RXFP2: variants seen among roughly 807,000 people sequenced by gnomAD.
RXFP2 encodes the protein relaxin receptor 2.
RXFP2 carries 68 observed loss-of-function variants against 88.6 expected under a neutral mutation model. The ratio of observed to expected loss-of-function variants is 0.77; its 90% CI spans 0.63 to 0.94. The LOEUF is 0.94. Ranked by LOEUF, RXFP2 falls within the 40% of genes least tolerant of loss-of-function variation. The pLI, the probability that RXFP2 is intolerant of heterozygous loss-of-function variation, is 0.00. For synonymous variants in RXFP2, 329 were observed against 306.8 expected, an observed-to-expected ratio of 1.07 and a Z score of -0.76; for missense variants, 791 against 893.9, an observed-to-expected ratio of 0.88 and a Z score of 1.47.
chr13:31,756,014 G>T (rs900462484), intron 1 of RXFP2, among the ~76,000 whole-genome samples: 1 of 152,048 alleles, frequency 6.6e-6, no homozygotes, highest in East Asian at 1.9e-4. Context: ...CTGCTTTTCC[G>T]TGCTTGCGGG....
At chr13:31,751,445 T>C (rs143542198) in intron 1 of RXFP2, among the ~76,000 whole-genome samples, 32 of 152,240 alleles carry the variant, frequency 2.1e-4, no homozygotes, top group African/African-American at 6.0e-4. Flanking sequence ...TCTTTGTGCA[T>C]CACAAAAGAA....
At chr13:31,776,240 T>A (rs1384217799) in intron 7 of RXFP2, among the ~76,000 whole-genome samples, 1 of 140,852 alleles carries the variant, frequency 7.1e-6, no homozygotes, top group Non-Finnish European at 1.5e-5. Context: ...CTTTTTTCCT[T>A]CCCTCTTTCC....
intron 1 of RXFP2, among the ~76,000 whole-genome samples, chr13:31,742,303 G>A (rs180813558): frequency 2.0e-5 from 3 of 152,326 alleles, no homozygotes; most frequent in Admixed American, 2.0e-4. Flanking sequence ...CCCCCTAGTG[G>A]CCAGACTCAA....
chr13:31,776,097 T>TTTCTTTCCTTCCTTCTTTC (rs1566227779), intron 7 of RXFP2, among the ~76,000 whole-genome samples: 1 of 112,906 alleles, frequency 8.9e-6, no homozygotes, highest in African/African-American at 3.8e-5. Flanking sequence ...TCTTTCTTTC[T>TTTCTTTCCTTCCTTCTTTC]TTTCTTTTCT....
At chr13:31,792,654 T>C in intron 15 of RXFP2, 24 bp from the exon 16 acceptor site, 1 of 1,611,852 alleles carries the variant, frequency 6.2e-7, no homozygotes, top group Non-Finnish European at 8.5e-7. Flanking sequence ...ACTGATGACA[T>C]ACACTGTTTC....
intron 1 of RXFP2, among the ~76,000 whole-genome samples, chr13:31,744,572 A>C (rs982573819): frequency 6.6e-6 from 1 of 152,218 alleles, no homozygotes; most frequent in Non-Finnish European, 1.5e-5. Context: ...GTGCCATATT[A>C]TTCTCGAGTG....
intron 5 of RXFP2, among the ~76,000 whole-genome samples, chr13:31,770,234 C>A (rs1872688509): frequency 6.6e-6 from 1 of 152,174 alleles, no homozygotes; most frequent in Admixed American, 6.5e-5. Flanking sequence ...ATGATCTTCC[C>A]AAGACCAGCA....
intron 9 of RXFP2, among the ~76,000 whole-genome samples, chr13:31,780,066 T>A (rs1312288820): frequency 6.6e-6 from 1 of 152,196 alleles, no homozygotes; most frequent in East Asian, 1.9e-4. Flanking sequence ...GAGCTCAGCC[T>A]GCTCTCCCTC....
chr13:31,784,168 C>G (rs1428893863), intron 11 of RXFP2, among the ~76,000 whole-genome samples: 1 of 151,758 alleles, frequency 6.6e-6, no homozygotes, highest in Non-Finnish European at 1.5e-5. Context: ...AACAGTGGTA[C>G]AGAGTCCATA....
intron 16 of RXFP2, among the ~76,000 whole-genome samples, chr13:31,794,465 CT>C (rs773120743): frequency 6.6e-6 from 1 of 151,294 alleles, no homozygotes; most frequent in Non-Finnish European, 1.5e-5. Flanking sequence ...AGGCTGTGCA[CT>C]ATATACTATA....
In RXFP2 at chr13:31,797,411, A is replaced by G. The variant is rs1188810984; in HGVS notation, c.1997A>G (p.Glu666Gly). Residue 666 changes from glutamate to glycine, a missense_variant, in exon 17 of 18, where the codon GAA becomes GGA. Transcript: ENST00000298386. Reference protein sequence around the residue: ...VVKILSLFRVEIPDTMTSWIV... With the variant: ...VVKILSLFRVGIPDTMTSWIV... ...AAAATCCTTTCCCTCTTCCGGGTGG[A>G]AATACCAGGTCAGTCTCTTCTATCA... 1 of 1,612,652 alleles carries G rather than the reference A, an allele frequency of 6.2e-7. No individual in the cohort carries two copies. The highest frequency in any genetic ancestry group is 1.1e-5 in the South Asian group (1 of 91,056).
chr13:31,747,386 G>A (rs1011031725), intron 1 of RXFP2, among the ~76,000 whole-genome samples: 27 of 152,220 alleles, frequency 1.8e-4, no homozygotes, highest in Admixed American at 1.3e-4. Context: ...TGAACCATTG[G>A]TGTAAGATAA....
intron 5 of RXFP2, among the ~76,000 whole-genome samples, chr13:31,770,990 T>G (rs1872716797): frequency 6.6e-6 from 1 of 152,034 alleles, no homozygotes; most frequent in African/African-American, 2.4e-5. Context: ...GCAGAAATAC[T>G]CAAAGGATGT....
chr13:31,760,736 T>C (rs1191968040), intron 2 of RXFP2, among the ~76,000 whole-genome samples: 1 of 152,230 alleles, frequency 6.6e-6, no homozygotes, highest in Non-Finnish European at 1.5e-5. Context: ...TTAATTGATT[T>C]AGGTATTTGT....
intron 5 of RXFP2, among the ~76,000 whole-genome samples, chr13:31,768,843 C>T (rs1195037418): frequency 6.6e-6 from 1 of 152,174 alleles, no homozygotes; most frequent in African/African-American, 2.4e-5. Flanking sequence ...CTTCTTGTCC[C>T]TCCTGTCCAT....
At position 31,798,549 on chromosome 13, in the gene RXFP2, A is replaced by G. The variant is rs549317948; in HGVS notation, c.2005+1130A>G. ...ATAGTCACAGTTGTTCACTTGATGA[A>G]CAGCCTCCAATCTATTACTGCTACC... On this transcript the variant is annotated intron_variant, in intron 17 of 17. Coordinates refer to ENST00000298386, the MANE Select transcript of RXFP2 (RefSeq NM_130806.5). Among the ~76,000 whole-genome samples the G allele has an allele frequency of 1.4e-4, 22 of 152,320 alleles. No individual in the cohort carries two copies. The East Asian group carries it at 3.1e-3, about 21-fold the overall frequency.
chr13:31,765,542 T>C (rs1872517410), intron 4 of RXFP2, among the ~76,000 whole-genome samples: 1 of 152,146 alleles, frequency 6.6e-6, no homozygotes. Context: ...AGCTAGTAGC[T>C]ATGTTATATC....
chr13:31,787,832 G>T (rs1397367283), intron 13 of RXFP2, among the ~76,000 whole-genome samples: 1 of 152,150 alleles, frequency 6.6e-6, no homozygotes, highest in Non-Finnish European at 1.5e-5. Flanking sequence ...GTAGAGACAG[G>T]GTTTCATTGT....
At chr13:31,773,043 A>G (rs1872790857) in intron 5 of RXFP2, among the ~76,000 whole-genome samples, 1 of 152,170 alleles carries the variant, frequency 6.6e-6, no homozygotes, top group African/African-American at 2.4e-5. Flanking sequence ...TTCTATTTTC[A>G]TTTGCTACTG....
Sources: gnomAD v4.1 joint callset for allele counts (sites outside exome capture counted in the v4.1 genomes callset) on GRCh38, gnomAD v4.1.1 for gene constraint, MANE v1.5 for transcripts, NCBI Gene and HGNC (gene_info 2026-07-23, HGNC 2026-07-21) for gene names.